CASKIN2: variants seen among roughly 807,000 people sequenced by gnomAD.
CASKIN2 encodes the protein caskin-2.
Under a neutral mutation model 107.1 loss-of-function variants are expected in CASKIN2, and 41 were observed. That is an observed-to-expected ratio of 0.38 (90% CI 0.30 to 0.50). CASKIN2 has a LOEUF of 0.50. Ranked by LOEUF, CASKIN2 falls within the 20% of genes least tolerant of loss-of-function variation. The pLI, the probability that CASKIN2 is intolerant of heterozygous loss-of-function variation, is 0.92. For synonymous variants in CASKIN2, 724 were observed against 705.6 expected (o/e 1.03, Z -0.41); for missense variants, 1,546 against 1,657.4 (o/e 0.93, Z 1.17).
chr17:75,501,261 CAG>C (rs779448056), intron 19 of CASKIN2, 91 bp from the exon 20 acceptor site: 126 of 1,325,560 alleles, frequency 9.5e-5, no homozygotes, highest in Non-Finnish European at 1.2e-4. Flanking sequence ...CCCAGAGGCT[CAG>C]GGAGGCAAGG....
At chr17:75,501,356 C>T in intron 19 of CASKIN2, 112 bp downstream of exon 19, 2 of 1,309,532 alleles carry the variant, frequency 1.5e-6, no homozygotes, top group Non-Finnish European at 2.1e-6. Flanking sequence ...GCCTCTTATC[C>T]CGTTAGTGCC....
At position 75,507,577 on chromosome 17, in the gene CASKIN2, G is replaced by A; in HGVS notation, c.244+7C>T. On this transcript the variant is annotated splice_region_variant and intron_variant, in intron 4 of 19. Transcript: ENST00000321617. ...GGGTGGGGGTCGGGGGCACATGGGG[G>A]TCTCACCATTGCTGTCCTTGATGTC... 1 of 1,608,382 alleles carries A rather than the reference G, an allele frequency of 6.2e-7. No individual in the cohort carries two copies. The highest frequency in any genetic ancestry group is 2.2e-5 in the East Asian group (1 of 44,758).
At chr17:75,510,646 A>G (rs2053308605) in intron 2 of CASKIN2, among the ~76,000 whole-genome samples, 1 of 152,078 alleles carries the variant, frequency 6.6e-6, no homozygotes, top group Admixed American at 6.5e-5. Context: ...GTTGGAGTGT[A>G]GTGGCACGAT....
chr17:75,508,340 A>G (rs764501378), intron 2 of CASKIN2, 55 bp from the exon 3 acceptor site: 369 of 1,569,664 alleles, frequency 2.4e-4, no homozygotes, highest in Non-Finnish European at 3.1e-4. Context: ...CTCACTCAGC[A>G]TCCCTCCCCC....
chr17:75,507,824 C>T (rs956828500), intron 3 of CASKIN2, 143 bp from the exon 4 acceptor site: 7 of 638,482 alleles, frequency 1.1e-5, no homozygotes, highest in South Asian at 1.9e-5. Context: ...GCCGTGGGAG[C>T]GCAGTGGCTG....
At chr17:75,504,367 G>A in intron 13 of CASKIN2, 53 bp downstream of exon 13, 1 of 1,596,970 alleles carries the variant, frequency 6.3e-7, no homozygotes, top group South Asian at 1.1e-5. Flanking sequence ...CCCACCCTCG[G>A]CCTCCTTACT....
In CASKIN2 at chr17:75,503,951, G is replaced by C. The variant is rs2053233223; in HGVS notation, c.1479C>G (p.Ala493=). 1 of 1,611,874 alleles carries C rather than the reference G, an allele frequency of 6.2e-7. No individual in the cohort carries two copies. The highest frequency in any genetic ancestry group is 1.3e-5 in the African/African-American group (1 of 75,020). ...EQLLEGKDAQ[A]IHNWLSEFQL... ...GGAACTCGCTTAGCCAGTTATGAAT[G>C]GCCTGCGCGTCCTGCGGGGTGGGGG... Residue 493 remains alanine, a synonymous_variant, in exon 15 of 20, where the codon GCC becomes GCG. Transcript: ENST00000321617.
At position 75,514,047 on chromosome 17, in the gene CASKIN2, A is replaced by G; in HGVS notation, c.-243T>C. 1 of 583,136 alleles carries G rather than the reference A, an allele frequency of 1.7e-6. No individual in the cohort carries two copies. Among genetic ancestry groups the G allele is most frequent in the Non-Finnish European group, 3.1e-6 (1 of 327,438 alleles). 36.1% of individuals were successfully genotyped at this position (583,136 alleles called of 1,614,324 possible). A position where few individuals can be genotyped will look rare whatever the true frequency, so the allele number is the denominator to read the frequency against. On this transcript the variant is annotated 5_prime_UTR_variant, in exon 2 of 20. Transcript: ENST00000321617. ...TTTGAGGGGGTGAAGGCTACATGGA[A>G]ATCTGGATGGATATCAGCTTGTGGC... is the stretch of plus-strand genomic sequence containing the variant.
intron 2 of CASKIN2, among the ~76,000 whole-genome samples, chr17:75,512,650 G>A (rs2053324188): frequency 1.3e-5 from 2 of 152,150 alleles, no homozygotes; most frequent in African/African-American, 4.8e-5. Context: ...GCTCATGCCT[G>A]CAATCCTAGC....
rs1260362279 is a variant in CASKIN2, at chr17:75,501,606, G to A, written c.3380C>T (p.Pro1127Leu). The A allele has an allele frequency of 2.5e-6, 4 of 1,605,590 alleles. No individual in the cohort carries two copies. The highest frequency in any genetic ancestry group is 3.4e-6 in the Non-Finnish European group (4 of 1,175,256). ...PKLAPRLGPRPVPPPRPESTG... is the reference protein window; with the variant it reads ...PKLAPRLGPRLVPPPRPESTG... ...GCTCTCAGGCCGTGGAGGAGGCACT[G>A]GGCGGGGGCCGAGCCGGGGCGCTAG... The change falls in exon 19 of 20, where the codon CCA becomes CTA. Residue 1127 changes from proline to leucine, a missense_variant. Physicochemically the swap from Pro to Leu is moderately conservative, Grantham distance 98. This residue lies in a region of CASKIN2 where 1,311 missense variants were observed against 1,311.0 expected (regional missense o/e 1.00). Coordinates refer to ENST00000321617, the MANE Select transcript of CASKIN2 (RefSeq NM_020753.5).
In CASKIN2 at chr17:75,505,192, G is replaced by T; in HGVS notation, c.931-119C>A. On this transcript the variant is annotated intron_variant, in intron 10 of 19. Coordinates refer to ENST00000321617, the MANE Select transcript of CASKIN2 (RefSeq NM_020753.5). The surrounding 1 kb of genome is among the most constrained non-coding windows in gnomAD (Gnocchi z 5.1). Reference sequence around the variant, plus strand: ...CCAGCTCTTTCCCTACCCCTAAGGAGCTGGCCTCTGATGCCCACACTGGCC... The same window carrying T: ...CCAGCTCTTTCCCTACCCCTAAGGATCTGGCCTCTGATGCCCACACTGGCC... The T allele has an allele frequency of 1.7e-6, 2 of 1,163,348 alleles. No homozygotes were observed. The highest frequency in any genetic ancestry group is 2.5e-6 in the Non-Finnish European group (2 of 806,452). The allele number at this position is 1,163,348 out of a possible 1,614,324, so 72.1% of individuals were successfully genotyped here. A position where few individuals can be genotyped will look rare whatever the true frequency, so the allele number is the denominator to read the frequency against.
At chr17:75,507,864 C>A in intron 3 of CASKIN2, 183 bp from the exon 4 acceptor site, 1 of 591,434 alleles carries the variant, frequency 1.7e-6, no homozygotes, top group East Asian at 2.8e-5. Context: ...TCAGTGTCTG[C>A]ACTGAGAGGC....
rs1018337099 is a variant in CASKIN2, at chr17:75,505,401, G to A, written c.930+156C>T. 9.6e-6 allele frequency: 7 copies of A among 725,632 alleles called. No individual in the cohort carries two copies. The highest frequency in any genetic ancestry group is 7.1e-5 in the African/African-American group (4 of 56,730). The allele number at this position is 725,632 out of a possible 1,614,324, so 44.9% of individuals were successfully genotyped here. On this transcript the variant is annotated intron_variant, in intron 10 of 19. Transcript: ENST00000321617. This position sits in a 1 kb window ranked among gnomAD's most constrained non-coding sequence, Gnocchi z 5.1. The stretch of plus-strand genomic sequence containing the variant: ...TCTCAATTTTGTCATCTGTAAAGAA[G>A]AAATGCTAACAGCACTGCCTTCCCT...
chr17:75,501,105 T>C lies in CASKIN2; in HGVS notation c.3584A>G (p.Asp1195Gly), dbSNP rs1222747842. The change falls in exon 20 of 20, where the codon GAC (aspartate) becomes GGC (glycine). Residue 1195 changes from aspartate (D) to glycine (G), a missense_variant. Physicochemically the swap from Asp to Gly is moderately conservative, Grantham distance 94. Transcript: ENST00000321617. ...TCAGTCCAGCATGGCGTCCAGCTGG[T>C]CAGCCAGGGCGTCGAACATGGTGCT... ...DISTMFDALA[D>G]QLDAMLD 1 of 1,584,888 alleles carries C rather than the reference T, an allele frequency of 6.3e-7. No homozygotes were observed. The highest frequency in any genetic ancestry group is 1.8e-5 in the Admixed American group (1 of 55,558).
chr17:75,511,289 G>A (rs2053313917), intron 2 of CASKIN2, among the ~76,000 whole-genome samples: 2 of 152,004 alleles, frequency 1.3e-5, no homozygotes, highest in Non-Finnish European at 2.9e-5. Context: ...TCGAACTCCT[G>A]ACGTCAAGTG....
chr17:75,501,058 A>G lies in CASKIN2; in HGVS notation c.*22T>C. The G allele has an allele frequency of 6.4e-7, 1 of 1,555,120 alleles. No homozygotes were observed. The highest frequency in any genetic ancestry group is 1.2e-5 in the South Asian group (1 of 84,426). On this transcript the variant is annotated 3_prime_UTR_variant, in exon 20 of 20. Coordinates refer to ENST00000321617, the MANE Select transcript of CASKIN2 (RefSeq NM_020753.5). Reference sequence around the variant, plus strand: ...CAAAGGCAGTGGACTTCGGCAGGTCACAGTGGGCACTGCTGGAGGGCTCAG... The same window carrying G: ...CAAAGGCAGTGGACTTCGGCAGGTCGCAGTGGGCACTGCTGGAGGGCTCAG...
In CASKIN2 at chr17:75,502,109, T is replaced by C; in HGVS notation, c.2965A>G (p.Thr989Ala). 1 of 1,607,036 alleles carries C rather than the reference T, an allele frequency of 6.2e-7. No homozygotes were observed. The highest frequency in any genetic ancestry group is 8.5e-7 in the Non-Finnish European group (1 of 1,179,580). ...GLDFNLTESD[T>A]VKRRPKCRER... ...CGGCACTTGGGCCTCCGCTTAACAGTGTCTGATTCCGTGAGGTTGAAATCG... is the reference window on the plus strand; with the variant it reads ...CGGCACTTGGGCCTCCGCTTAACAGCGTCTGATTCCGTGAGGTTGAAATCG... Residue 989 changes from threonine (T) to alanine (A), a missense_variant, in exon 18 of 20, where the codon ACT becomes GCT. Thr to Ala is a moderately conservative substitution (Grantham distance 58). Coordinates refer to ENST00000321617, the MANE Select transcript of CASKIN2 (RefSeq NM_020753.5). This position sits in a 1 kb window ranked among gnomAD's most constrained non-coding sequence, Gnocchi z 4.3.
chr17:75,512,181 C>G, intron 2 of CASKIN2, among the ~76,000 whole-genome samples: 1 of 152,352 alleles, frequency 6.6e-6, no homozygotes, highest in Non-Finnish European at 1.5e-5. Context: ...CTGGGGGACT[C>G]CTTCCTGTGC....
At position 75,506,303 on chromosome 17, in the gene CASKIN2, A is replaced by G; in HGVS notation, c.726+2T>C. 1 of 1,608,300 alleles carries G rather than the reference A, an allele frequency of 6.2e-7. No homozygotes were observed. ...TGCGAGGGAGCAGGGGCCCATACCC[A>G]CCTCCAGAAGCAGCCGCACCACCTC... On this transcript the variant is annotated splice_donor_variant, in intron 8 of 19. Coordinates refer to ENST00000321617, the MANE Select transcript of CASKIN2 (RefSeq NM_020753.5). LOFTEE classifies it high-confidence loss of function. The surrounding 1 kb of genome is among the most constrained non-coding windows in gnomAD (Gnocchi z 4.8).
Sources: allele counts gnomAD v4.1 joint callset (sites outside exome capture counted in the v4.1 genomes callset), GRCh38; gene constraint gnomAD v4.1.1; regional missense constraint gnomAD v4.1.1; non-coding constraint Gnocchi (gnomAD v3.1); transcripts MANE v1.5; gene names NCBI Gene and HGNC (gene_info 2026-07-23, HGNC 2026-07-21).